Variants in CTNNA3 observed in about 807,000 individuals in gnomAD.
CTNNA3 encodes the protein catenin alpha-3.
A neutral mutation model predicts 95.7 loss-of-function variants in CTNNA3; 76 were observed. That is an observed-to-expected ratio of 0.79 (90% CI 0.66 to 0.96). CTNNA3 has a LOEUF of 0.96. CTNNA3 is among the 40% of genes least tolerant of loss of function. The pLI is 0.00. For missense variants in CTNNA3, 1,191 were observed against 1,089.8 expected (o/e 1.09, Z -1.31); for synonymous variants, 431 against 374.4 (o/e 1.15, Z -1.74).
Position 66,878,420 on chromosome 10 carries a change from G to A in CTNNA3, c.1048-102896C>T, listed in dbSNP as rs1422679286. 2.0e-5 allele frequency among the ~76,000 whole-genome samples: 3 copies of A among 152,092 alleles called. No homozygotes were observed. In the South Asian group the frequency reaches 6.2e-4, roughly 31 times the overall value. ...AGCTTCACGGTAATTCAAAACGTTTGTAAATTCCATTTTTCCCCAGCACGC... is the reference window on the plus strand; with the variant it reads ...AGCTTCACGGTAATTCAAAACGTTTATAAATTCCATTTTTCCCCAGCACGC... On this transcript the variant is annotated intron_variant, in intron 7 of 17. Coordinates refer to ENST00000433211, the MANE Select transcript of CTNNA3 (RefSeq NM_013266.4).
At chr10:67,438,639 T>C (rs1388421218) in intron 5 of CTNNA3, among the ~76,000 whole-genome samples, 1 of 152,118 alleles carries the variant, frequency 6.6e-6, no homozygotes, top group Non-Finnish European at 1.5e-5. Context: ...AAAGAAGCAC[T>C]GAAGAGGGTA....
In CTNNA3 at chr10:66,400,166, T is replaced by C. The variant is rs190293245; in HGVS notation, c.1532-20814A>G. Among the ~76,000 whole-genome samples, 409 of 151,870 alleles carry C rather than the reference T, an allele frequency of 2.7e-3. 2 individuals are homozygous for C. Among genetic ancestry groups the C allele is most frequent in the African/African-American group, 9.6e-3 (396 of 41,446 alleles). ...GAAAACAAAACAAAGAATCAAAACA[T>C]GTTTACAAAGAAAATATAAAAAATA... On this transcript the variant is annotated intron_variant, in intron 11 of 17. Transcript: ENST00000433211.
At chr10:67,090,145 A>G (rs904226181) in intron 7 of CTNNA3, among the ~76,000 whole-genome samples, 9 of 152,084 alleles carry the variant, frequency 5.9e-5, no homozygotes, top group Non-Finnish European at 8.8e-5. Flanking sequence ...TTTTACACAT[A>G]TATGTATCCA....
chr10:66,023,833 A>G (rs2079274990), intron 15 of CTNNA3, among the ~76,000 whole-genome samples: 1 of 152,182 alleles, frequency 6.6e-6, no homozygotes, highest in Admixed American at 6.5e-5. Flanking sequence ...TTGCTAGTGC[A>G]CTGTCGCAGT....
chr10:67,643,556 T>C (rs1016047997), intron 2 of CTNNA3, among the ~76,000 whole-genome samples: 2 of 152,090 alleles, frequency 1.3e-5, no homozygotes, highest in African/African-American at 4.8e-5. Context: ...TTATTATACC[T>C]TAAGTTCTGG....
At chr10:66,931,783 C>T (rs1847409484) in intron 7 of CTNNA3, among the ~76,000 whole-genome samples, 1 of 151,956 alleles carries the variant, frequency 6.6e-6, no homozygotes, top group Non-Finnish European at 1.5e-5. Context: ...GTACTGAAGG[C>T]TAGAAATAAG....
intron 11 of CTNNA3, among the ~76,000 whole-genome samples, chr10:66,440,330 A>T (rs2093366584): frequency 6.6e-6 from 1 of 152,086 alleles, no homozygotes; most frequent in African/African-American, 2.4e-5. Flanking sequence ...TTTCTATTTC[A>T]GATTTGCCTA....
At chr10:67,404,259 C>T (rs1589257990) in intron 5 of CTNNA3, among the ~76,000 whole-genome samples, 1 of 151,910 alleles carries the variant, frequency 6.6e-6, no homozygotes, top group South Asian at 2.1e-4. Context: ...ATGAACTTCA[C>T]TGAGCTAAAG....
intron 3 of CTNNA3, among the ~76,000 whole-genome samples, chr10:67,588,544 G>A (rs1475069115): frequency 6.6e-6 from 1 of 151,914 alleles, no homozygotes; most frequent in African/African-American, 2.4e-5. Context: ...GGGGGGACTG[G>A]ATTGGCAGAT....
chr10:67,721,052 A>T (rs980842151), intron 1 of CTNNA3, among the ~76,000 whole-genome samples: 3 of 152,124 alleles, frequency 2.0e-5, no homozygotes, highest in Admixed American at 6.6e-5. Flanking sequence ...TTTGTGGGTA[A>T]CCCAACCTTT....
At chr10:66,997,433 T>C (rs1851416701) in intron 7 of CTNNA3, among the ~76,000 whole-genome samples, 1 of 152,228 alleles carries the variant, frequency 6.6e-6, no homozygotes, top group Non-Finnish European at 1.5e-5. Context: ...TAAGCATGAT[T>C]TAATCTAACA....
rs769408731 is a variant in CTNNA3, at chr10:66,712,604, T to TCACACACACACACACACACACA, written c.1281+53659_1281+53660insTGTGTGTGTGTGTGTGTGTGTG. ...CTCACTCTCTCTCCCTCTCTCTCTC[T>TCACACACACACACACACACACA]CTCTCACACACACAGCAAGAGACAT... On this transcript the variant is annotated intron_variant, in intron 9 of 17. Coordinates refer to ENST00000433211, the MANE Select transcript of CTNNA3 (RefSeq NM_013266.4). Among the ~76,000 whole-genome samples, 41 of 143,478 alleles carry TCACACACACACACACACACACA rather than the reference T, an allele frequency of 2.9e-4. No individual in the cohort carries two copies. In the East Asian group the frequency reaches 7.0e-3, roughly 24 times the overall value. The allele number at this position is 143,478 out of a possible 152,430, so 94.1% of individuals were successfully genotyped here. A position where few individuals can be genotyped will look rare whatever the true frequency, so the allele number is the denominator to read the frequency against.
intron 7 of CTNNA3, among the ~76,000 whole-genome samples, chr10:66,942,558 C>T (rs2132686439): frequency 6.6e-6 from 1 of 151,570 alleles, no homozygotes; most frequent in African/African-American, 2.4e-5. Context: ...GTCTCTCTCT[C>T]TCTCTCTCTC....
intron 5 of CTNNA3, among the ~76,000 whole-genome samples, chr10:67,502,556 A>T (rs954739281): frequency 5.3e-5 from 8 of 152,152 alleles, no homozygotes; most frequent in Admixed American, 5.2e-4. Flanking sequence ...CAGTCTGCTG[A>T]ATCTGTGCCC....
At chr10:67,181,813 G>C (rs1403490928) in intron 6 of CTNNA3, among the ~76,000 whole-genome samples, 3 of 151,826 alleles carry the variant, frequency 2.0e-5, no homozygotes, top group Non-Finnish European at 4.4e-5. Context: ...AATTATTATA[G>C]AAAAAGATAT....
chr10:66,167,556 A>T (rs2085198788), intron 13 of CTNNA3, among the ~76,000 whole-genome samples: 1 of 152,154 alleles, frequency 6.6e-6, no homozygotes, highest in South Asian at 2.1e-4. Context: ...ATGGAAAATA[A>T]GAATGTTTAT....
At chr10:67,077,451 C>T (rs1371870048) in intron 7 of CTNNA3, among the ~76,000 whole-genome samples, 3 of 152,154 alleles carry the variant, frequency 2.0e-5, no homozygotes, top group Non-Finnish European at 4.4e-5. Context: ...CCCCATCCTG[C>T]CATATCCCTG....
chr10:66,849,236 C>A (rs534089925), intron 7 of CTNNA3, among the ~76,000 whole-genome samples: 1 of 152,200 alleles, frequency 6.6e-6, no homozygotes, highest in Non-Finnish European at 1.5e-5. Context: ...TCAAGATATG[C>A]AAATTTTTCC....
At chr10:67,760,843 G>T (rs999441526) in intron 1 of CTNNA3, among the ~76,000 whole-genome samples, 2 of 152,134 alleles carry the variant, frequency 1.3e-5, no homozygotes, top group African/African-American at 4.8e-5. Context: ...ATCACCCCCA[G>T]ATGGGACTGT....
Sources: allele counts gnomAD v4.1 joint callset (sites outside exome capture counted in the v4.1 genomes callset), GRCh38; gene constraint gnomAD v4.1.1; transcripts MANE v1.5; gene names NCBI Gene and HGNC (gene_info 2026-07-23, HGNC 2026-07-21).